CNIH3: variants seen among roughly 807,000 people sequenced by gnomAD.
CNIH3 encodes the protein cornichon family AMPA receptor auxiliary protein 3.
CNIH3 carries 14 observed loss-of-function variants against 24.1 expected under a neutral mutation model. That is an observed-to-expected ratio of 0.58 (90% confidence interval 0.38 to 0.91). The LOEUF is 0.91. Among genes scored for constraint, CNIH3 ranks in the 40% least tolerant of loss-of-function variants. The pLI is 0.00. For missense variants in CNIH3, 178 were observed against 196.8 expected, an observed-to-expected ratio of 0.90 and a Z score of 0.57; for synonymous variants, 68 against 73.8, an observed-to-expected ratio of 0.92 and a Z score of 0.40.
chr1:224,434,705 CG>C, exon 1 of CNIH3: 1 of 945,348 alleles, frequency 1.1e-6, no homozygotes, highest in Non-Finnish European at 1.3e-6. Flanking sequence ...GCGGCGGCGG[CG>C]GGCGGCAGCG....
intron 2 of CNIH3, among the ~76,000 whole-genome samples, chr1:224,527,876 A>T (rs1158317470): frequency 1.3e-5 from 2 of 152,234 alleles, no homozygotes; most frequent in African/African-American, 2.4e-5. Context: ...GCATATACAT[A>T]TATCTATATC....
chr1:224,443,670 G>A, intron 1 of CNIH3, among the ~76,000 whole-genome samples: 1 of 143,086 alleles, frequency 7.0e-6, no homozygotes, highest in Admixed American at 6.8e-5. Context: ...TATATAGATA[G>A]ATAGATAGAT....
At chr1:224,502,856 G>C (rs1321001624) in intron 1 of CNIH3, among the ~76,000 whole-genome samples, 1 of 152,340 alleles carries the variant, frequency 6.6e-6, no homozygotes, top group East Asian at 1.9e-4. Context: ...GTGGGGAACA[G>C]AGCCCAGAGA....
At chr1:224,636,566 G>A (rs975106681) in intron 1 of CNIH3, among the ~76,000 whole-genome samples, 3 of 152,240 alleles carry the variant, frequency 2.0e-5, no homozygotes, top group Non-Finnish European at 2.9e-5. Context: ...CTGTGTGCCA[G>A]CACCTCTGTT....
chr1:224,610,692 T>C (rs1682651111), intron 3 of CNIH3, among the ~76,000 whole-genome samples: 1 of 152,214 alleles, frequency 6.6e-6, no homozygotes, highest in Admixed American at 6.5e-5. Flanking sequence ...GAGGTATTGC[T>C]ATATATTAGA....
At chr1:224,709,488 A>G (rs1417591999) in intron 3 of CNIH3, among the ~76,000 whole-genome samples, 1 of 152,216 alleles carries the variant, frequency 6.6e-6, no homozygotes, top group Non-Finnish European at 1.5e-5. Flanking sequence ...AGGGCATGGC[A>G]GGACTCCAGC....
At chr1:224,581,427 C>G (rs1465500743) in intron 4 of CNIH3, among the ~76,000 whole-genome samples, 1 of 152,138 alleles carries the variant, frequency 6.6e-6, no homozygotes, top group East Asian at 1.9e-4. Flanking sequence ...AAACCTTTTC[C>G]TTTCCTGTTT....
At chr1:224,546,236 T>G (rs1240118186) in intron 2 of CNIH3, among the ~76,000 whole-genome samples, 1 of 152,166 alleles carries the variant, frequency 6.6e-6, no homozygotes, top group East Asian at 1.9e-4. Context: ...TTATGGAAGT[T>G]TTTCTCAAAC....
intron 3 of CNIH3, among the ~76,000 whole-genome samples, chr1:224,686,703 T>G (rs1686677780): frequency 6.6e-6 from 1 of 152,236 alleles, no homozygotes. Flanking sequence ...CAATGTTCCA[T>G]ATCCATCACC....
At chr1:224,653,361 G>A (rs1052989667) in intron 1 of CNIH3, among the ~76,000 whole-genome samples, 2 of 150,552 alleles carry the variant, frequency 1.3e-5, no homozygotes, top group Non-Finnish European at 2.9e-5. Flanking sequence ...GGCAGAGGTT[G>A]CAGTGAGCCA....
chr1:224,509,198 C>A (rs1678038853), intron 1 of CNIH3, among the ~76,000 whole-genome samples: 1 of 152,126 alleles, frequency 6.6e-6, no homozygotes, highest in African/African-American at 2.4e-5. Flanking sequence ...TGGTACACAT[C>A]TGTAATCCCA....
downstream of CNIH3, among the ~76,000 whole-genome samples, chr1:224,541,474 TAA>T (rs367741684): frequency 1.2e-4 from 19 of 152,184 alleles, no homozygotes; most frequent in African/African-American, 4.6e-4. Flanking sequence ...AAAAGTTAGA[TAA>T]GAGGAAAGAG....
rs182060771 is a variant in CNIH3, at chr1:224,504,130, C to A, written n.204-11611C>A. Among the ~76,000 whole-genome samples the A allele has an allele frequency of 8.5e-4, 130 of 152,316 alleles. 1 individual carries two copies. The highest frequency in any genetic ancestry group is 2.7e-3 in the Admixed American group (41 of 15,300). The stretch of plus-strand genomic sequence containing the variant: ...TTGAGGACTGTATGGATGATGCCTT[C>A]CCGAGTTAGACCTAGGTTCAAACCT... On this transcript the variant is annotated intron_variant and non_coding_transcript_variant, in intron 1 of 5. Coordinates refer to the CNIH3 transcript ENST00000471578.
At chr1:224,734,535 G>A (rs761988270) in intron 4 of CNIH3, 28 bp from the exon 5 acceptor site, 1 of 1,610,878 alleles carries the variant, frequency 6.2e-7, no homozygotes, top group South Asian at 1.1e-5. Flanking sequence ...CAGGACCTCA[G>A]AGACAATGAT....
rs984701826 is a variant in CNIH3, at chr1:224,704,453, C to A, written c.198+19610C>A. 6.6e-6 allele frequency among the ~76,000 whole-genome samples: 1 copy of A among 152,160 alleles called. No homozygotes were observed. Among genetic ancestry groups the A allele is most frequent in the Non-Finnish European group, 1.5e-5 (1 of 68,038 alleles). On this transcript the variant is annotated intron_variant, in intron 3 of 5. Coordinates refer to ENST00000272133, the MANE Select transcript of CNIH3 (RefSeq NM_152495.2). This position sits in a 1 kb window ranked among gnomAD's most constrained non-coding sequence, Gnocchi z 4.2. ...AGGCAGGGAGCCATCCCCTGAGTCT[C>A]ATTTAACATTTTATTTTGAAAAATG...
intron 3 of CNIH3, among the ~76,000 whole-genome samples, chr1:224,705,341 T>C (rs888622926): frequency 2.0e-5 from 3 of 152,228 alleles, no homozygotes; most frequent in Admixed American, 2.0e-4. Context: ...CATATAAATA[T>C]GTGGGCAAAT....
chr1:224,495,964 G>T (rs1412755898), intron 1 of CNIH3, among the ~76,000 whole-genome samples: 1 of 152,132 alleles, frequency 6.6e-6, no homozygotes, highest in Non-Finnish European at 1.5e-5. Flanking sequence ...AGCTATCCGT[G>T]GGCAGAGAGA....
At chr1:224,693,400 A>G (rs1403905445) in intron 3 of CNIH3, among the ~76,000 whole-genome samples, 1 of 152,226 alleles carries the variant, frequency 6.6e-6, no homozygotes, top group Non-Finnish European at 1.5e-5. Context: ...AAACCAGCTT[A>G]CAGCAACCAT....
chr1:224,655,157 T>C (rs1382238371), intron 1 of CNIH3, among the ~76,000 whole-genome samples: 1 of 150,906 alleles, frequency 6.6e-6, no homozygotes, highest in African/African-American at 2.4e-5. Context: ...TTACTAGAAC[T>C]TCATGGGAGC....
Sources: allele counts gnomAD v4.1 joint callset (sites outside exome capture counted in the v4.1 genomes callset), GRCh38; gene constraint gnomAD v4.1.1; non-coding constraint Gnocchi (gnomAD v3.1); transcripts MANE v1.5; gene names NCBI Gene and HGNC (gene_info 2026-07-23, HGNC 2026-07-21).